The following TLL2 variants were observed in gnomAD, a reference collection of about 807,000 sequenced individuals.
TLL2 encodes the protein tolloid like 2.
Under a neutral mutation model 123.0 loss-of-function variants are expected in TLL2, and 106 were observed. The observed-to-expected ratio is 0.86, with a 90% CI of 0.74 to 1.01. TLL2 has a LOEUF of 1.01. Ranked by LOEUF, TLL2 falls within the 50% of genes least tolerant of loss-of-function variation. The pLI, the probability that TLL2 is intolerant of heterozygous loss-of-function variation, is 0.00. For synonymous variants in TLL2, 494 were observed against 516.8 expected (o/e 0.96, Z 0.60); for missense variants, 1,332 against 1,336.7 (o/e 1.00, Z 0.06).
At chr10:96,495,657 T>C (rs769815233) in intron 1 of TLL2, among the ~76,000 whole-genome samples, 2 of 152,160 alleles carry the variant, frequency 1.3e-5, no homozygotes, top group Non-Finnish European at 2.9e-5. Context: ...TTCAGGACTC[T>C]GCATTCAGGC....
chr10:96,450,216 G>A (rs912750322), intron 2 of TLL2, among the ~76,000 whole-genome samples: 12 of 152,046 alleles, frequency 7.9e-5, no homozygotes, highest in Admixed American at 1.3e-4. Flanking sequence ...TACGAGTCAC[G>A]TAGGCAGTGT....
chr10:96,422,580 A>G lies in TLL2; in HGVS notation c.786T>C (p.His262=), dbSNP rs766710638. The part of the protein sequence containing the change: ...HEHTRPDRDQ[H]VTIIRENIQP... The stretch of plus-strand genomic sequence containing the variant: ...GGATGTTTTCCCTGATGATGGTGAC[A>G]TGTTGGTCTCTGTCTGGCCGGGTGT... The change falls in exon 6 of 21, where the codon CAT becomes CAC. Residue 262 remains histidine, a synonymous_variant. Transcript: ENST00000357947. 4 of 1,614,066 alleles carry G rather than the reference A, an allele frequency of 2.5e-6. No individual in the cohort carries two copies. Among genetic ancestry groups the G allele is most frequent in the Non-Finnish European group, 3.4e-6 (4 of 1,180,044 alleles).
intron 16 of TLL2, among the ~76,000 whole-genome samples, chr10:96,382,002 G>A (rs1846190106): frequency 6.6e-6 from 1 of 152,162 alleles, no homozygotes; most frequent in African/African-American, 2.4e-5. Flanking sequence ...GTGACATGCA[G>A]GACCTGCTAC....
intron 2 of TLL2, among the ~76,000 whole-genome samples, chr10:96,462,531 A>G (rs1265644503): frequency 2.6e-5 from 4 of 152,304 alleles, no homozygotes; most frequent in Non-Finnish European, 5.9e-5. Context: ...GGAGATCAAT[A>G]TACACTCTAG....
chr10:96,476,889 C>CACACACAT (rs1847262389), intron 2 of TLL2, among the ~76,000 whole-genome samples: 1 of 147,138 alleles, frequency 6.8e-6, no homozygotes, highest in Non-Finnish European at 1.5e-5. Flanking sequence ...CACACACACA[C>CACACACAT]ACACACACGC....
At chr10:96,476,216 T>TATATA (rs1554939587) in intron 2 of TLL2, among the ~76,000 whole-genome samples, 1 of 33,334 alleles carries the variant, frequency 3.0e-5, no homozygotes, top group Non-Finnish European at 6.4e-5. Flanking sequence ...CTTTTTAATT[T>TATATA]TATATGTATA....
rs1229099563 is a variant in TLL2 at position 96,365,913 on chromosome 10, C to A, written c.*2175G>T. 1 of 152,192 alleles carries A rather than the reference C, an allele frequency of 6.6e-6. No individual in the cohort carries two copies. Among genetic ancestry groups the A allele is most frequent in the Non-Finnish European group, 1.5e-5 (1 of 68,038 alleles). 9.4% of individuals were successfully genotyped at this position (152,192 alleles called of 1,614,324 possible). A position where few individuals can be genotyped will look rare whatever the true frequency, so the allele number is the denominator to read the frequency against. Reference sequence around the variant, plus strand: ...CTGTGTGTTTTTGAAAATGTTCATACTAAAGAGATAAAAAGAAGTATCATT... The same window carrying A: ...CTGTGTGTTTTTGAAAATGTTCATAATAAAGAGATAAAAAGAAGTATCATT... On this transcript the variant is annotated 3_prime_UTR_variant, in exon 21 of 21. Transcript: ENST00000357947.
At chr10:96,373,285 G>T in intron 19 of TLL2, 1 of 308,144 alleles carries the variant, frequency 3.2e-6, no homozygotes, top group Non-Finnish European at 6.3e-6. Context: ...GGAATTACAG[G>T]CACCAACCAC....
At chr10:96,379,144 C>T in intron 16 of TLL2, 52 bp from the exon 17 acceptor site, 2 of 1,584,402 alleles carry the variant, frequency 1.3e-6, no homozygotes, top group Non-Finnish European at 1.7e-6. Flanking sequence ...TGCAAATGTC[C>T]CTCAGGGCTC....
chr10:96,405,766 C>T (rs1002080575), intron 9 of TLL2, among the ~76,000 whole-genome samples: 2 of 152,182 alleles, frequency 1.3e-5, no homozygotes, highest in Non-Finnish European at 2.9e-5. Context: ...AACATCTCTG[C>T]GATCAACCTC....
At chr10:96,384,280 C>T (rs80098852) in intron 16 of TLL2, among the ~76,000 whole-genome samples, 13,972 of 152,154 alleles carry the variant, frequency 0.092, 1,441 homozygotes, top group African/African-American at 0.25. Flanking sequence ...TAGAACTTTC[C>T]GAGGCAGCAT....
intron 5 of TLL2, among the ~76,000 whole-genome samples, chr10:96,427,757 C>T (rs1287338811): frequency 1.3e-5 from 2 of 152,012 alleles, no homozygotes; most frequent in African/African-American, 4.8e-5. Flanking sequence ...ATGTATAGAC[C>T]ATGTAGTTGG....
chr10:96,499,460 T>C (rs1589437436), intron 1 of TLL2, among the ~76,000 whole-genome samples: 1 of 152,230 alleles, frequency 6.6e-6, no homozygotes, highest in Non-Finnish European at 1.5e-5. Flanking sequence ...TTGATAATTA[T>C]ATTACATTTT....
intron 11 of TLL2, among the ~76,000 whole-genome samples, chr10:96,396,310 C>T (rs1846339850): frequency 6.6e-6 from 1 of 152,186 alleles, no homozygotes; most frequent in South Asian, 2.1e-4. Context: ...GAAGCTGGGG[C>T]CACACTCCCC....
chr10:96,375,743 A>C (rs1289649306), intron 18 of TLL2, among the ~76,000 whole-genome samples: 1 of 152,106 alleles, frequency 6.6e-6, no homozygotes, highest in Non-Finnish European at 1.5e-5. Context: ...TCTCACCAAT[A>C]AACAACCTGC....
At position 96,365,530 on chromosome 10, in the gene TLL2, C is replaced by T. The variant is rs1186416979; in HGVS notation, c.*2558G>A. On this transcript the variant is annotated 3_prime_UTR_variant, in exon 21 of 21. Coordinates refer to ENST00000357947, the MANE Select transcript of TLL2 (RefSeq NM_012465.4). ...CTATTCTTGCAACTCACTGTCATCC[C>T]CAAAGCTTGGTACCCAATTAAAGCA... 6.6e-6 allele frequency: 1 copy of T among 152,238 alleles called. No homozygotes were observed. The highest frequency in any genetic ancestry group is 1.5e-5 in the Non-Finnish European group (1 of 68,050). The allele number at this position is 152,238 out of a possible 1,614,324, so 9.4% of individuals were successfully genotyped here.
At chr10:96,391,587 G>A (rs1300847190) in intron 13 of TLL2, among the ~76,000 whole-genome samples, 1 of 152,178 alleles carries the variant, frequency 6.6e-6, no homozygotes, top group Non-Finnish European at 1.5e-5. Context: ...GCCCAGCCAT[G>A]TTAGGAATTC....
At chr10:96,403,927 CAT>C (rs1456602604) in intron 10 of TLL2, among the ~76,000 whole-genome samples, 4 of 152,056 alleles carry the variant, frequency 2.6e-5, no homozygotes. Context: ...TGGAGAGAAA[CAT>C]AAATCTGGCC....
At chr10:96,445,175 C>T (rs755999980) in intron 3 of TLL2, among the ~76,000 whole-genome samples, 12 of 152,050 alleles carry the variant, frequency 7.9e-5, no homozygotes, top group Non-Finnish European at 1.5e-4. Flanking sequence ...GGCGACAGAG[C>T]GAGACTCCAC....
Sources: gnomAD v4.1 joint callset for allele counts (sites outside exome capture counted in the v4.1 genomes callset) on GRCh38, gnomAD v4.1.1 for gene constraint, MANE v1.5 for transcripts, NCBI Gene and HGNC (gene_info 2026-07-23, HGNC 2026-07-21) for gene names.